Variants in PCDH17 observed in about 807,000 individuals in gnomAD.
The protein encoded by PCDH17 is protocadherin 17.
Under a neutral mutation model 67.7 loss-of-function variants are expected in PCDH17, and 21 were observed. That is an observed-to-expected ratio of 0.31 (90% CI 0.22 to 0.45). The LOEUF (loss-of-function observed/expected upper bound fraction) is 0.45, where lower values mean the gene tolerates loss of function less well. Ranked by LOEUF, PCDH17 falls within the 20% of genes least tolerant of loss-of-function variation. The pLI, the probability that PCDH17 is intolerant of heterozygous loss-of-function variation, is 1.00. For synonymous variants in PCDH17, 701 were observed against 656.7 expected (o/e 1.07, Z -1.03); for missense variants, 1,471 against 1,564.8 (o/e 0.94, Z 1.01).
At chr13:57,660,589 A>G (rs1406079075) in intron 1 of PCDH17, among the ~76,000 whole-genome samples, 1 of 152,188 alleles carries the variant, frequency 6.6e-6, no homozygotes, top group Middle Eastern at 3.2e-3. Flanking sequence ...GTATAGTTCT[A>G]TGACTGTTCA....
intron 3 of PCDH17, among the ~76,000 whole-genome samples, chr13:57,696,526 C>CA (rs60466176): frequency 0.064 from 9,592 of 150,420 alleles, 333 homozygotes; most frequent in Middle Eastern, 0.092. Flanking sequence ...ATACTGTTCG[C>CA]AAAAAAAATG....
At chr13:57,724,251 C>CT (rs1369977067) in intron 3 of PCDH17, among the ~76,000 whole-genome samples, 2 of 152,076 alleles carry the variant, frequency 1.3e-5, no homozygotes, top group Admixed American at 1.3e-4. Flanking sequence ...TCCTGATAAT[C>CT]TTTTTTGAAG....
chr13:57,723,994 T>C (rs1433210566), intron 3 of PCDH17, among the ~76,000 whole-genome samples: 1 of 152,180 alleles, frequency 6.6e-6, no homozygotes, highest in South Asian at 2.1e-4. Flanking sequence ...TCCATACGCC[T>C]ATCTAATAAA....
chr13:57,652,190 A>G (rs1955050121), intron 1 of PCDH17, among the ~76,000 whole-genome samples: 1 of 148,322 alleles, frequency 6.7e-6, no homozygotes, highest in Non-Finnish European at 1.5e-5. Context: ...AGGCAGGAGA[A>G]TGGCGTGAAC....
At chr13:57,648,871 C>T (rs1955000909) in intron 1 of PCDH17, among the ~76,000 whole-genome samples, 1 of 151,944 alleles carries the variant, frequency 6.6e-6, no homozygotes, top group African/African-American at 2.4e-5. Context: ...ATTCCTTTTG[C>T]CAGTGTAAGT....
chr13:57,704,192 C>G (rs1445494336), intron 3 of PCDH17, among the ~76,000 whole-genome samples: 4 of 152,064 alleles, frequency 2.6e-5, no homozygotes, highest in Non-Finnish European at 5.9e-5. Flanking sequence ...CTGTACCTGT[C>G]AGTGTGCCAT....
At chr13:57,648,216 T>C (rs1954989812) in intron 1 of PCDH17, among the ~76,000 whole-genome samples, 1 of 151,868 alleles carries the variant, frequency 6.6e-6, no homozygotes, top group Non-Finnish European at 1.5e-5. Flanking sequence ...TATCCCCAGG[T>C]AGTATAAATA....
Position 57,633,359 on chromosome 13 carries a change from T to C in PCDH17, c.813T>C (p.Asp271=). The change falls in exon 1 of 4, where the codon GAT becomes GAC. Residue 271 remains aspartate (D), a synonymous_variant. Coordinates refer to ENST00000377918, the MANE Select transcript of PCDH17 (RefSeq NM_001040429.3). The surrounding 1 kb of genome is among the most constrained non-coding windows in gnomAD (Gnocchi z 6.2). ...TCGATCTGAACGCCACCGACGCCGATGAAGGTCCCAATGGTGAAGTGCTCT... is the reference window on the plus strand; with the variant it reads ...TCGATCTGAACGCCACCGACGCCGACGAAGGTCCCAATGGTGAAGTGCTCT... ...VVIDLNATDA[D]EGPNGEVLYS... is the part of the protein sequence containing the mutation. The C allele has an allele frequency of 6.2e-7, 1 of 1,613,264 alleles. No individual in the cohort carries two copies. The highest frequency in any genetic ancestry group is 8.5e-7 in the Non-Finnish European group (1 of 1,180,006).
rs534236012 is a variant in PCDH17 at position 57,727,794 on chromosome 13, T to A, written c.*2500T>A. ...GCTGAAATTTGATGGAAAACTGATT[T>A]CCATTTAGTCTTACCAAGTGTTGCT... On this transcript the variant is annotated 3_prime_UTR_variant, in exon 4 of 4. Transcript: ENST00000377918. 5.9e-5 allele frequency: 9 copies of A among 152,300 alleles called. No individual in the cohort carries two copies. The South Asian group carries it at 1.9e-3, about 32-fold the overall frequency. 9.4% of individuals were successfully genotyped at this position (152,300 alleles called of 1,614,324 possible).
chr13:57,684,951 A>C (rs921700821), intron 3 of PCDH17, among the ~76,000 whole-genome samples: 1 of 151,942 alleles, frequency 6.6e-6, no homozygotes, highest in South Asian at 2.1e-4. Flanking sequence ...ATGTCAAACT[A>C]CTCAAATTCA....
intron 3 of PCDH17, among the ~76,000 whole-genome samples, chr13:57,703,130 T>G (rs1441185503): frequency 6.6e-6 from 1 of 152,186 alleles, no homozygotes; most frequent in African/African-American, 2.4e-5. Flanking sequence ...TTTGCCAAGA[T>G]AAGAATTTAG....
chr13:57,728,517 TAAAAAAAAAAAAAAA>T lies in PCDH17; in HGVS notation c.*3232_*3246del, dbSNP rs146333612. On this transcript the variant is annotated 3_prime_UTR_variant, in exon 4 of 4. Transcript: ENST00000377918. ...TTCTAAAAATTGCTTGCAGATGAGC[TAAAAAAAAAAAAAAA>T]AAAAAAAAGCAACAAAATAACCTTT... is the stretch of plus-strand genomic sequence containing the variant. 4.2e-5 allele frequency: 3 copies of T among 70,814 alleles called. No homozygotes were observed. Among genetic ancestry groups the T allele is most frequent in the Admixed American group, 1.7e-4 (1 of 5,798 alleles). The allele number at this position is 70,814 out of a possible 1,614,324, so 4.4% of individuals were successfully genotyped here.
chr13:57,644,321 A>G (rs1020637872), intron 1 of PCDH17, among the ~76,000 whole-genome samples: 7 of 151,702 alleles, frequency 4.6e-5, no homozygotes, highest in Non-Finnish European at 7.4e-5. Context: ...GCCAATACCA[A>G]CAAATGAAGC....
At chr13:57,708,997 C>A (rs1955748286) in intron 3 of PCDH17, among the ~76,000 whole-genome samples, 1 of 151,186 alleles carries the variant, frequency 6.6e-6, no homozygotes, top group African/African-American at 2.4e-5. Context: ...AAAAGCAAAA[C>A]AAAAACAAAA....
At position 57,634,221 on chromosome 13, in the gene PCDH17, G is replaced by C; in HGVS notation, c.1675G>C (p.Ala559Pro). 6.2e-7 allele frequency: 1 copy of C among 1,613,338 alleles called. No individual in the cohort carries two copies. The part of the protein sequence containing the change: ...EFKVLAKDSG[A>P]PAHLESNATV... ...CAAGGTGCTTGCTAAGGACTCGGGGGCGCCCGCGCACTTGGAGAGCAACGC... is the reference window on the plus strand; with the variant it reads ...CAAGGTGCTTGCTAAGGACTCGGGGCCGCCCGCGCACTTGGAGAGCAACGC... The change falls in exon 1 of 4, where the codon GCG (alanine) becomes CCG (proline). Residue 559 changes from alanine (A) to proline (P), a missense_variant. Ala to Pro is a conservative substitution (Grantham distance 27). This residue lies in a region of PCDH17 where 1,163 missense variants were observed against 1,230.0 expected (regional missense o/e 0.95). Coordinates refer to ENST00000377918, the MANE Select transcript of PCDH17 (RefSeq NM_001040429.3). This position sits in a 1 kb window ranked among gnomAD's most constrained non-coding sequence, Gnocchi z 7.8.
chr13:57,634,648 A>G lies in PCDH17; in HGVS notation c.2102A>G (p.His701Arg). 1 of 1,613,408 alleles carries G rather than the reference A, an allele frequency of 6.2e-7. No individual in the cohort carries two copies. The highest frequency in any genetic ancestry group is 1.3e-5 in the African/African-American group (1 of 74,956). ...CCACGGGTGAATGGCGAGCAGCACC[A>G]CTGGGACATGTCGCTGCCGCTCATC... ...GVPRVNGEQH[H>R]WDMSLPLIVT... Residue 701 changes from histidine to arginine, a missense_variant, in exon 1 of 4, where the codon CAC becomes CGC. His to Arg is a conservative substitution (Grantham distance 29). This residue lies in a region of PCDH17 where 1,163 missense variants were observed against 1,230.0 expected (regional missense o/e 0.95). Coordinates refer to ENST00000377918, the MANE Select transcript of PCDH17 (RefSeq NM_001040429.3). The surrounding 1 kb of genome is among the most constrained non-coding windows in gnomAD (Gnocchi z 7.8).
Position 57,659,424 on chromosome 13 carries a change from A to G in PCDH17, c.2566-7044A>G, listed in dbSNP as rs192751790. ...ATAGAAATCCAAGTGTTGCATTAAA[A>G]TTTACCATACACTCATCCAGTTACC... is the stretch of plus-strand genomic sequence containing the variant. On this transcript the variant is annotated intron_variant, in intron 1 of 3. Coordinates refer to ENST00000377918, the MANE Select transcript of PCDH17 (RefSeq NM_001040429.3). Among the ~76,000 whole-genome samples, 391 of 152,228 alleles carry G rather than the reference A, an allele frequency of 2.6e-3. 3 individuals are homozygous for G. The highest frequency in any genetic ancestry group is 0.017 in the Middle Eastern group (5 of 294).
Position 57,634,872 on chromosome 13 carries a change from G to C in PCDH17, c.2326G>C (p.Glu776Gln). The C allele has an allele frequency of 1.9e-6, 3 of 1,614,074 alleles. No individual in the cohort carries two copies. Among genetic ancestry groups the C allele is most frequent in the Non-Finnish European group, 2.5e-6 (3 of 1,180,018 alleles). ...DIMLVQSEVEERNAMNVMNVV... is the reference protein window; with the variant it reads ...DIMLVQSEVEQRNAMNVMNVV... ...CATGCTGGTGCAGAGCGAAGTGGAG[G>C]AGAGGAACGCCATGAACGTCATGAA... is the stretch of plus-strand genomic sequence containing the variant. Residue 776 changes from glutamate to glutamine, a missense_variant, in exon 1 of 4, where the codon GAG becomes CAG. Glu to Gln is a conservative substitution (Grantham distance 29, BLOSUM62 2). Around this residue, in one of 3 missense-constraint regions of PCDH17, gnomAD observed 1,163 missense variants for 1,230.0 expected, o/e 0.95. Transcript: ENST00000377918. The surrounding 1 kb of genome is among the most constrained non-coding windows in gnomAD (Gnocchi z 7.8).
intron 3 of PCDH17, among the ~76,000 whole-genome samples, chr13:57,681,405 A>G (rs1052332996): frequency 1.3e-5 from 2 of 151,916 alleles, no homozygotes; most frequent in South Asian, 4.1e-4. Flanking sequence ...ATTAACTGTG[A>G]TTATTTATTA....
Sources: allele counts gnomAD v4.1 joint callset (sites outside exome capture counted in the v4.1 genomes callset), GRCh38; gene constraint gnomAD v4.1.1; regional missense constraint gnomAD v4.1.1; non-coding constraint Gnocchi (gnomAD v3.1); transcripts MANE v1.5; gene names NCBI Gene and HGNC (gene_info 2026-07-23, HGNC 2026-07-21).